The following TRPM7 variants were observed in gnomAD, a reference collection of about 807,000 sequenced individuals.
The protein encoded by TRPM7 is LTRPC ion channel family member 7.
A neutral mutation model predicts 229.7 loss-of-function variants in TRPM7; 134 were observed. That is an observed-to-expected ratio of 0.58 (90% CI 0.51 to 0.67). The LOEUF is 0.67. TRPM7 is among the 30% of genes least tolerant of loss of function. The pLI is 0.00. For synonymous variants in TRPM7, 699 were observed against 715.2 expected (o/e 0.98, Z 0.36); for missense variants, 1,901 against 2,210.0 (o/e 0.86, Z 2.80).
chr15:50,595,108 A>G (rs968849206), intron 23 of TRPM7, among the ~76,000 whole-genome samples: 1 of 152,072 alleles, frequency 6.6e-6, no homozygotes, highest in Non-Finnish European at 1.5e-5. Context: ...GAGGTGAGAC[A>G]GGAGGGACTA....
intron 38 of TRPM7, among the ~76,000 whole-genome samples, chr15:50,567,247 T>C (rs2053641860): frequency 6.6e-6 from 1 of 152,190 alleles, no homozygotes; most frequent in African/African-American, 2.4e-5. Flanking sequence ...TACACATGTA[T>C]ACATGTGCCA....
chr15:50,624,461 G>A (rs2140582317), intron 11 of TRPM7, among the ~76,000 whole-genome samples, 161 bp from the exon 12 acceptor site: 1 of 152,304 alleles, frequency 6.6e-6, no homozygotes, highest in South Asian at 2.1e-4. Context: ...GACTTTAGGT[G>A]TTTAGGGAAT....
chr15:50,570,008 A>AT lies in TRPM7; in HGVS notation c.5361-16dup, dbSNP rs1282324979. 1.3e-6 allele frequency: 2 copies of AT among 1,594,976 alleles called. No homozygotes were observed. Among genetic ancestry groups the AT allele is most frequent in the East Asian group, 4.5e-5 (2 of 44,682 alleles). On this transcript the variant is annotated splice_polypyrimidine_tract_variant and intron_variant, in intron 37 of 38. Coordinates refer to ENST00000646667, the MANE Select transcript of TRPM7 (RefSeq NM_017672.6). ...TATCACAGGATCTGTAGAATTGGTAATTTTAAAAAAAACAACAAAAAAAAG... is the reference window on the plus strand; with the variant it reads ...TATCACAGGATCTGTAGAATTGGTAATTTTTAAAAAAAACAACAAAAAAAAG...
chr15:50,619,243 C>T (rs1397326222), intron 13 of TRPM7, among the ~76,000 whole-genome samples: 1 of 142,424 alleles, frequency 7.0e-6, no homozygotes, highest in Non-Finnish European at 1.5e-5. Flanking sequence ...TTTTTTGAGA[C>T]AGAGTCTCAC....
chr15:50,654,900 C>T (rs1445393618), intron 3 of TRPM7, among the ~76,000 whole-genome samples: 1 of 148,426 alleles, frequency 6.7e-6, no homozygotes, highest in Admixed American at 6.8e-5. Context: ...ACTCGGGAGG[C>T]TGAGGCAGGA....
intron 28 of TRPM7, 21 bp from the exon 29 acceptor site, chr15:50,583,180 A>G: frequency 1.3e-6 from 2 of 1,571,810 alleles, no homozygotes; most frequent in Non-Finnish European, 1.7e-6. Flanking sequence ...ATTAAAAAAT[A>G]TAAAAAAGCT....
intron 1 of TRPM7, 84 bp from the exon 2 acceptor site, chr15:50,663,130 G>GT: frequency 1.9e-6 from 2 of 1,048,646 alleles, no homozygotes; most frequent in Non-Finnish European, 2.8e-6. Flanking sequence ...CACATAAACA[G>GT]TTCTTTTTTT....
At chr15:50,577,525 G>T (rs1055236869) in intron 31 of TRPM7, among the ~76,000 whole-genome samples, 1 of 152,164 alleles carries the variant, frequency 6.6e-6, no homozygotes, top group African/African-American at 2.4e-5. Flanking sequence ...CCCTACTCCA[G>T]CCTGGACGAC....
At chr15:50,657,237 T>C (rs772268086) in intron 3 of TRPM7, among the ~76,000 whole-genome samples, 4 of 152,086 alleles carry the variant, frequency 2.6e-5, no homozygotes, top group Admixed American at 1.3e-4. Context: ...GGCAGGAGAA[T>C]TGCTTGAACC....
Position 50,686,637 on chromosome 15 carries a change from C to T in TRPM7, c.-104G>A, listed in dbSNP as rs1262848815. 4.8e-5 allele frequency: 73 copies of T among 1,510,934 alleles called. No individual in the cohort carries two copies. The highest frequency in any genetic ancestry group is 6.5e-5 in the Non-Finnish European group (73 of 1,122,814). The allele number at this position is 1,510,934 out of a possible 1,614,324, so 93.6% of individuals were successfully genotyped here. On this transcript the variant is annotated 5_prime_UTR_variant, in exon 1 of 39. Coordinates refer to ENST00000646667, the MANE Select transcript of TRPM7 (RefSeq NM_017672.6). ...GCGTCTCCGGAGGCGGCAGCAGAGG[C>T]CGCCGGACAAGGAACGCCCAGGGAA...
chr15:50,569,802 C>A, intron 38 of TRPM7, 85 bp downstream of exon 38: 1 of 764,192 alleles, frequency 1.3e-6, no homozygotes, highest in East Asian at 2.7e-5. Context: ...TTACATTAAA[C>A]ATTTGTACCT....
At chr15:50,618,569 C>CAATAAATAAATAAATA (rs112152993) in intron 13 of TRPM7, among the ~76,000 whole-genome samples, 10 of 141,980 alleles carry the variant, frequency 7.0e-5, no homozygotes, top group East Asian at 2.1e-4. Flanking sequence ...GATTCCGTCT[C>CAATAAATAAATAAATA]AATAAATAAA....
At chr15:50,673,634 G>GTATATA (rs35356193) in intron 1 of TRPM7, among the ~76,000 whole-genome samples, 3,467 of 150,386 alleles carry the variant, frequency 0.023, 125 homozygotes, top group African/African-American at 0.08. Context: ...GTATTCCCTC[G>GTATATA]TATATATATA....
intron 2 of TRPM7, among the ~76,000 whole-genome samples, chr15:50,662,269 C>T (rs1462822147): frequency 6.6e-6 from 1 of 151,704 alleles, no homozygotes; most frequent in Non-Finnish European, 1.5e-5. Flanking sequence ...AAGAGAATGG[C>T]CTGAACCCTG....
At chr15:50,600,189 C>G (rs1320478612) in intron 21 of TRPM7, among the ~76,000 whole-genome samples, 1 of 152,200 alleles carries the variant, frequency 6.6e-6, no homozygotes, top group African/African-American at 2.4e-5. Context: ...GTAATCCCAG[C>G]ACTTCGGGAG....
chr15:50,596,158 T>G, intron 23 of TRPM7, 97 bp downstream of exon 23: 1 of 840,696 alleles, frequency 1.2e-6, no homozygotes, highest in Non-Finnish European at 1.6e-6. Flanking sequence ...TAAGCCTCAA[T>G]AAAATTTTTA....
intron 3 of TRPM7, among the ~76,000 whole-genome samples, chr15:50,649,665 C>A (rs1375376476): frequency 6.6e-6 from 1 of 152,090 alleles, no homozygotes; most frequent in Non-Finnish European, 1.5e-5. Context: ...GTGTCTGAGG[C>A]TGGGGTACAA....
chr15:50,631,148 T>C (rs1200976707), intron 10 of TRPM7, among the ~76,000 whole-genome samples: 37 of 152,190 alleles, frequency 2.4e-4, no homozygotes, highest in Admixed American at 2.4e-3. Context: ...ACGTTCTTAA[T>C]AGGACTATTA....
intron 38 of TRPM7, among the ~76,000 whole-genome samples, chr15:50,568,121 A>G (rs1346819048): frequency 1.3e-5 from 2 of 151,014 alleles, no homozygotes; most frequent in Non-Finnish European, 3.0e-5. Context: ...CAAAAAAAAA[A>G]AAAAAAAAAA....
Sources: allele counts gnomAD v4.1 joint callset (sites outside exome capture counted in the v4.1 genomes callset), GRCh38; gene constraint gnomAD v4.1.1; transcripts MANE v1.5; gene names NCBI Gene and HGNC (gene_info 2026-07-23, HGNC 2026-07-21).